The following TRPM7 variants were observed in gnomAD, a reference collection of about 807,000 sequenced individuals.
The protein encoded by TRPM7 is transient receptor potential cation channel subfamily M member 7, also known as LTRPC ion channel family member 7.
Under a neutral mutation model 229.7 loss-of-function variants are expected in TRPM7, and 134 were observed. The ratio of observed to expected loss-of-function variants is 0.58; its 90% confidence interval spans 0.51 to 0.67. The LOEUF is 0.67. TRPM7 is among the 30% of genes least tolerant of loss of function. The pLI, the probability that TRPM7 is intolerant of heterozygous loss-of-function variation, is 0.00. For synonymous variants in TRPM7, 699 were observed against 715.2 expected, an observed-to-expected ratio of 0.98 and a Z score of 0.36; for missense variants, 1,901 against 2,210.0, an observed-to-expected ratio of 0.86 and a Z score of 2.80.
intron 13 of TRPM7, among the ~76,000 whole-genome samples, chr15:50,616,521 T>C (rs972188503): frequency 1.3e-5 from 2 of 152,180 alleles, no homozygotes; most frequent in Non-Finnish European, 2.9e-5. Context: ...AGATTAATAG[T>C]TACCATAGGT....
intron 38 of TRPM7, among the ~76,000 whole-genome samples, chr15:50,564,539 A>ATATG (rs1200099193): frequency 6.6e-6 from 1 of 151,848 alleles, no homozygotes; most frequent in Non-Finnish European, 1.5e-5. Context: ...TAACATATAT[A>ATATG]TATGTATGTT....
chr15:50,648,421 G>A (rs542577521), intron 4 of TRPM7, among the ~76,000 whole-genome samples: 5 of 152,180 alleles, frequency 3.3e-5, no homozygotes, highest in Middle Eastern at 6.8e-3. Flanking sequence ...GGTTAAAACC[G>A]AAAAGGAAGA....
At chr15:50,664,391 A>G (rs922316257) in intron 1 of TRPM7, among the ~76,000 whole-genome samples, 1 of 152,144 alleles carries the variant, frequency 6.6e-6, no homozygotes, top group Non-Finnish European at 1.5e-5. Flanking sequence ...TACCTAAAGC[A>G]TAAGGGCATG....
intron 7 of TRPM7, among the ~76,000 whole-genome samples, 191 bp downstream of exon 7, chr15:50,637,231 C>A (rs2140718569): frequency 6.6e-6 from 1 of 151,924 alleles, no homozygotes; most frequent in Admixed American, 6.6e-5. Context: ...GCCTTGATAA[C>A]TGAGTACCCA....
In TRPM7 at chr15:50,592,633, G is replaced by A; in HGVS notation, c.3609-7C>T. On this transcript the variant is annotated splice_region_variant and splice_polypyrimidine_tract_variant and intron_variant, in intron 25 of 38. Transcript: ENST00000646667. Reference sequence around the variant, plus strand: ...AATGCACATCTGTTCCACTCTGTAGGAGAGAAATAAGCTTTTTTTACAAAT... The same window carrying A: ...AATGCACATCTGTTCCACTCTGTAGAAGAGAAATAAGCTTTTTTTACAAAT... The A allele has an allele frequency of 6.6e-7, 1 of 1,505,546 alleles. No homozygotes were observed. The highest frequency in any genetic ancestry group is 8.9e-7 in the Non-Finnish European group (1 of 1,125,218). The allele number at this position is 1,505,546 out of a possible 1,614,324, so 93.3% of individuals were successfully genotyped here.
chr15:50,654,283 T>C (rs1290233905), intron 3 of TRPM7, among the ~76,000 whole-genome samples: 1 of 150,844 alleles, frequency 6.6e-6, no homozygotes, highest in East Asian at 1.9e-4. Context: ...CCATCTCTAC[T>C]AAAAATATAA....
intron 2 of TRPM7, among the ~76,000 whole-genome samples, chr15:50,659,793 A>C (rs757720122): frequency 1.3e-5 from 2 of 151,868 alleles, no homozygotes; most frequent in Middle Eastern, 3.4e-3. Flanking sequence ...TCAGCCTCCC[A>C]AGTAGCTGGG....
At chr15:50,579,797 A>G (rs538196361) in intron 30 of TRPM7, among the ~76,000 whole-genome samples, 1 of 151,950 alleles carries the variant, frequency 6.6e-6, no homozygotes, top group Non-Finnish European at 1.5e-5. Context: ...TTTCTTTTTT[A>G]AAAAAAATTA....
At chr15:50,678,230 ACTCT>A (rs1328372679) in intron 1 of TRPM7, among the ~76,000 whole-genome samples, 1 of 133,444 alleles carries the variant, frequency 7.5e-6, no homozygotes, top group Admixed American at 9.2e-5. Flanking sequence ...ACAGAGTGAG[ACTCT>A]CTCTCAAAAA....
At chr15:50,582,997 A>G in intron 29 of TRPM7, 92 bp downstream of exon 29, 4 of 951,782 alleles carry the variant, frequency 4.2e-6, no homozygotes, top group Non-Finnish European at 5.9e-6. Flanking sequence ...TGAATTTTTG[A>G]TATAGTCCCA....
intron 1 of TRPM7, among the ~76,000 whole-genome samples, chr15:50,684,757 T>A (rs919402279): frequency 3.9e-5 from 6 of 152,022 alleles, no homozygotes; most frequent in African/African-American, 1.4e-4. Flanking sequence ...AAATGATGGG[T>A]TTCTTTCAAC....
intron 1 of TRPM7, among the ~76,000 whole-genome samples, chr15:50,680,484 G>T (rs2062216580): frequency 6.8e-6 from 1 of 148,010 alleles, no homozygotes; most frequent in Non-Finnish European, 1.5e-5. Flanking sequence ...CAGGAGAATG[G>T]CTTGAACCCG....
chr15:50,675,312 C>T (rs1268539047), intron 1 of TRPM7, among the ~76,000 whole-genome samples: 1 of 151,186 alleles, frequency 6.6e-6, no homozygotes, highest in Non-Finnish European at 1.5e-5. Context: ...CATTGCACTC[C>T]AACCCAGGCG....
At chr15:50,636,188 C>CT (rs535332848) in intron 7 of TRPM7, among the ~76,000 whole-genome samples, 7,697 of 136,376 alleles carry the variant, frequency 0.056, 258 homozygotes, top group African/African-American at 0.094. Context: ...CAATTCTTAA[C>CT]TTTTTTTTTT....
intron 13 of TRPM7, 109 bp from the exon 14 acceptor site, chr15:50,614,372 T>C (rs2060153795): frequency 1.8e-6 from 2 of 1,094,652 alleles, no homozygotes; most frequent in Non-Finnish European, 2.5e-6. Flanking sequence ...TTACTTCTTA[T>C]AAGAAGCAAG....
intron 5 of TRPM7, among the ~76,000 whole-genome samples, chr15:50,643,094 G>C (rs2061151538): frequency 6.6e-6 from 1 of 152,104 alleles, no homozygotes; most frequent in South Asian, 2.1e-4. Flanking sequence ...TTCGAGACCA[G>C]CCTGACCAAT....
intron 4 of TRPM7, 143 bp downstream of exon 4, chr15:50,648,544 T>G (rs2140832107): frequency 1.7e-6 from 1 of 573,520 alleles, no homozygotes; most frequent in Non-Finnish European, 2.9e-6. Context: ...AAAGATACAA[T>G]TCTATATTTG....
At chr15:50,585,643 T>C (rs1281978172) in intron 28 of TRPM7, among the ~76,000 whole-genome samples, 3 of 152,224 alleles carry the variant, frequency 2.0e-5, no homozygotes, top group African/African-American at 7.2e-5. Context: ...CAACTTTTAT[T>C]CCTGGAATAA....
At chr15:50,649,429 C>G (rs1343256579) in intron 3 of TRPM7, among the ~76,000 whole-genome samples, 1 of 147,290 alleles carries the variant, frequency 6.8e-6, no homozygotes, top group Admixed American at 7.0e-5. Context: ...ACAAGCAAGA[C>G]CCCAACTCAA....
Sources: allele counts gnomAD v4.1 joint callset (sites outside exome capture counted in the v4.1 genomes callset), GRCh38; gene constraint gnomAD v4.1.1; transcripts MANE v1.5; gene names NCBI Gene and HGNC (gene_info 2026-07-23, HGNC 2026-07-21).